USP26: variants seen among roughly 807,000 people sequenced by gnomAD.
USP26 encodes the protein ubiquitin specific peptidase 26.
For missense variants in USP26, 649 were observed against 642.3 expected (o/e 1.01, Z -0.11); for synonymous variants, 236 against 240.6 (o/e 0.98, Z 0.18).
Position 133,026,691 on chromosome X carries a change from G to A in USP26, c.1530C>T (p.Phe510=). The A allele has an allele frequency of 2.5e-6, 3 of 1,210,550 alleles. No homozygotes were observed. Among genetic ancestry groups the A allele is most frequent in the Non-Finnish European group, 2.2e-6 (2 of 895,026 alleles). Residue 510 remains phenylalanine, a synonymous_variant, in exon 6 of 6, where the codon TTC becomes TTT. Coordinates refer to ENST00000511190, the MANE Select transcript of USP26 (RefSeq NM_031907.3). Reference sequence around the variant, plus strand: ...CAATAAGGATTCTAGGTAGCCTACTGAATGAGTGCACTCCAACGGAAGTCT... The same window carrying A: ...CAATAAGGATTCTAGGTAGCCTACTAAATGAGTGCACTCCAACGGAAGTCT... ...EHKTSVGVHS[F]SRLPRILIVH...
chrX:133,034,205 T>C (rs2067388347), intron 5 of USP26, among the ~76,000 whole-genome samples: 1 of 112,002 alleles, frequency 8.9e-6, no homozygotes, highest in African/African-American at 3.2e-5. Context: ...AGGATAAATT[T>C]ATTTTCAGTG....
intron 1 of USP26, among the ~76,000 whole-genome samples, chrX:133,096,231 A>G (rs1351314383): frequency 3.7e-5 from 4 of 108,483 alleles, no homozygotes; most frequent in African/African-American, 1.3e-4. Context: ...ATCAACTGCA[A>G]TTAAGACCAA....
intron 5 of USP26, among the ~76,000 whole-genome samples, chrX:133,030,396 C>A (rs944602591): frequency 2.7e-5 from 3 of 112,079 alleles, no homozygotes; most frequent in African/African-American, 9.7e-5. Context: ...ATTCACTCTA[C>A]ATTGATCTTC....
chrX:133,087,141 C>A (rs868274677), intron 4 of USP26, among the ~76,000 whole-genome samples: 2 of 110,828 alleles, frequency 1.8e-5, no homozygotes, highest in African/African-American at 3.3e-5. Flanking sequence ...CAGAAATATA[C>A]GCCATGGAGA....
chrX:133,088,549 C>T (rs2067597219), intron 4 of USP26, among the ~76,000 whole-genome samples: 1 of 111,298 alleles, frequency 9.0e-6, no homozygotes, highest in South Asian at 3.9e-4. Context: ...GTCCACGGCC[C>T]GGAGTTTGGA....
At chrX:133,039,798 G>A (rs1490649138) in intron 5 of USP26, among the ~76,000 whole-genome samples, 2 of 111,541 alleles carry the variant, frequency 1.8e-5, no homozygotes, top group African/African-American at 3.3e-5. Flanking sequence ...GTGTGTTAAA[G>A]TCTCCCACTA....
chrX:133,034,274 C>T (rs972176773), intron 5 of USP26, among the ~76,000 whole-genome samples: 2 of 111,458 alleles, frequency 1.8e-5, no homozygotes, highest in South Asian at 7.6e-4. Context: ...AGAAGTAGGA[C>T]CCCTTTAAGG....
intron 4 of USP26, among the ~76,000 whole-genome samples, chrX:133,088,433 G>A (rs912543182): frequency 3.6e-5 from 4 of 111,324 alleles, no homozygotes; most frequent in Non-Finnish European, 5.7e-5. Flanking sequence ...ATCTAATACC[G>A]CTGCTGAGCT....
At chrX:133,028,326 A>C (rs1371266798) in intron 5 of USP26, 30 bp from the exon 6 acceptor site, 3 of 900,993 alleles carry the variant, frequency 3.3e-6, no homozygotes, top group Non-Finnish European at 3.2e-6. Context: ...GAAATAGTTC[A>C]TTAGTTCTCT....
Position 133,058,779 on chromosome X carries a change from T to G in USP26, c.-77+24928A>C, listed in dbSNP as rs1174599858. ...ATAGATGGATTAATAACTACTATGT[T>G]GGTAACCATTTTCTATTTATTGTTC... On this transcript the variant is annotated intron_variant, in intron 5 of 5. Transcript: ENST00000511190. Among the ~76,000 whole-genome samples the G allele has an allele frequency of 6.3e-5, 7 of 111,720 alleles. No homozygotes were observed. The Admixed American group carries it at 6.6e-4, about 11-fold the overall frequency.
At chrX:133,081,189 G>T (rs1424358208) in intron 5 of USP26, among the ~76,000 whole-genome samples, 1 of 110,542 alleles carries the variant, frequency 9.0e-6, no homozygotes, top group Non-Finnish European at 1.9e-5. Context: ...ACCTGCAGTG[G>T]AGCCCAAATC....
intron 5 of USP26, among the ~76,000 whole-genome samples, chrX:133,032,201 A>ACC (rs2067379789): frequency 2.7e-5 from 3 of 110,130 alleles, no homozygotes; most frequent in African/African-American, 1.0e-4. Flanking sequence ...CAACCAACCA[A>ACC]ACAAACAAAC....
intron 5 of USP26, among the ~76,000 whole-genome samples, chrX:133,052,085 A>G (rs924210979): frequency 8.9e-6 from 1 of 112,254 alleles, no homozygotes; most frequent in Non-Finnish European, 1.9e-5. Context: ...AAACTGTAGA[A>G]AAGAGTGATC....
Position 133,053,563 on chromosome X carries a change from A to T in USP26, c.-76-25267T>A, listed in dbSNP as rs1199421828. Among the ~76,000 whole-genome samples, 14 of 110,389 alleles carry T rather than the reference A, an allele frequency of 1.3e-4. No homozygotes were observed. The Admixed American group carries it at 1.4e-3, about 11-fold the overall frequency. On this transcript the variant is annotated intron_variant, in intron 5 of 5. Transcript: ENST00000511190. ...AAAAAAAAAAAAAAAAGGAAAAAAA[A>T]AGTATAGAGGGCTAATATTCCCTGC...
At chrX:133,083,137 G>C (rs764466626) in intron 5 of USP26, among the ~76,000 whole-genome samples, 1 of 111,896 alleles carries the variant, frequency 8.9e-6, no homozygotes, top group African/African-American at 3.2e-5. Flanking sequence ...AGGAGGCGAG[G>C]AGCAGACTCA....
rs2067341014 is a variant in USP26 at position 133,025,344 on chromosome X, T to C, written c.*135A>G. ...TTAGAATGCAGATCTCCCCATTAAG[T>C]GTTTCTGTTTGACCTTTGGTCCTAG... On this transcript the variant is annotated 3_prime_UTR_variant, in exon 6 of 6. Transcript: ENST00000511190. The C allele has an allele frequency of 2.0e-6, 2 of 978,682 alleles. No individual in the cohort carries two copies. The highest frequency in any genetic ancestry group is 5.7e-5 in the Admixed American group (2 of 34,950). The allele number at this position is 978,682 out of a possible 1,213,427, so 80.7% of individuals were successfully genotyped here. A position where few individuals can be genotyped will look rare whatever the true frequency, so the allele number is the denominator to read the frequency against.
intron 5 of USP26, among the ~76,000 whole-genome samples, chrX:133,043,662 T>C (rs903122632): frequency 8.9e-6 from 1 of 112,027 alleles, no homozygotes; most frequent in African/African-American, 3.2e-5. Context: ...TCTCAACACT[T>C]TGGGAGGCCA....
chrX:133,083,476 G>A (rs766888386), intron 5 of USP26, among the ~76,000 whole-genome samples: 1 of 110,996 alleles, frequency 9.0e-6, no homozygotes, highest in East Asian at 2.9e-4. Context: ...TTGTTGGGTT[G>A]TGGGTTTCCT....
At position 133,027,789 on chromosome X, in the gene USP26, A is replaced by G; in HGVS notation, c.432T>C (p.Phe144=). 1.7e-6 allele frequency: 2 copies of G among 1,210,222 alleles called. No homozygotes were observed. Among genetic ancestry groups the G allele is most frequent in the Non-Finnish European group, 2.2e-6 (2 of 894,453 alleles). ...KVDEKSSSKS[F]EIAKGSGTGV... ...CTGTCCCACTTCCTTTTGCTATCTCAAAAGATTTGCTACTTGATTTCTCAT... is the reference window on the plus strand; with the variant it reads ...CTGTCCCACTTCCTTTTGCTATCTCGAAAGATTTGCTACTTGATTTCTCAT... Residue 144 remains phenylalanine (F), a synonymous_variant, in exon 6 of 6, where the codon TTT becomes TTC. Transcript: ENST00000511190.
Sources: gnomAD v4.1 joint callset for allele counts (sites outside exome capture counted in the v4.1 genomes callset) on GRCh38, gnomAD v4.1.1 for gene constraint, MANE v1.5 for transcripts, NCBI Gene and HGNC (gene_info 2026-07-23, HGNC 2026-07-21) for gene names.